Variants in PTPRD observed in about 807,000 individuals in gnomAD.
PTPRD encodes protein tyrosine phosphatase receptor type D, also known as receptor-type tyrosine-protein phosphatase delta.
PTPRD carries 34 observed loss-of-function variants against 214.5 expected under a neutral mutation model. That is an observed-to-expected ratio of 0.16 (90% CI 0.12 to 0.21). The LOEUF is 0.21. Among genes scored for constraint, PTPRD ranks in the 10% least tolerant of loss-of-function variants. The pLI, the probability that PTPRD is intolerant of heterozygous loss-of-function variation, is 1.00. For synonymous variants in PTPRD, 1,128 were observed against 845.7 expected (o/e 1.33, Z -5.79); for missense variants, 2,545 against 2,398.7 (o/e 1.06, Z -1.27).
chr9:9,863,372 A>G (rs1483921210), intron 5 of PTPRD, among the ~76,000 whole-genome samples: 1 of 152,206 alleles, frequency 6.6e-6, no homozygotes, highest in African/African-American at 2.4e-5. Context: ...CCCGACAGTC[A>G]TATTTTTAAA....
intron 7 of PTPRD, among the ~76,000 whole-genome samples, chr9:9,586,435 T>G (rs1225446494): frequency 6.6e-6 from 1 of 152,010 alleles, no homozygotes; most frequent in Non-Finnish European, 1.5e-5. Flanking sequence ...TGAGTTGAGT[T>G]TTATGTACCA....
At chr9:9,911,218 T>C (rs1345366846) in intron 5 of PTPRD, among the ~76,000 whole-genome samples, 1 of 152,070 alleles carries the variant, frequency 6.6e-6, no homozygotes, top group Non-Finnish European at 1.5e-5. Context: ...ACTATTATCC[T>C]TGTCAGGAAA....
At chr9:9,672,288 T>C (rs1052240150) in intron 7 of PTPRD, among the ~76,000 whole-genome samples, 4 of 152,134 alleles carry the variant, frequency 2.6e-5, no homozygotes, top group Admixed American at 2.0e-4. Context: ...TTGGAAAATA[T>C]TGATGTATGG....
chr9:10,420,078 AAAT>A (rs2098531955), intron 2 of PTPRD, among the ~76,000 whole-genome samples: 1 of 151,786 alleles, frequency 6.6e-6, no homozygotes, highest in South Asian at 2.1e-4. Flanking sequence ...AATGATGATA[AAAT>A]AATGACAATA....
intron 14 of PTPRD, among the ~76,000 whole-genome samples, chr9:8,552,960 T>C (rs1204946951): frequency 6.6e-6 from 1 of 152,130 alleles, no homozygotes; most frequent in Non-Finnish European, 1.5e-5. Context: ...CCCAGACACA[T>C]TCTGCATTAC....
intron 12 of PTPRD, among the ~76,000 whole-genome samples, chr9:8,638,148 C>A (rs1174032818): frequency 7.7e-6 from 1 of 129,628 alleles, no homozygotes; most frequent in Non-Finnish European, 1.6e-5. Flanking sequence ...TACAGATTTT[C>A]TCTTCTCTCC....
intron 8 of PTPRD, among the ~76,000 whole-genome samples, chr9:9,565,546 T>C (rs2084254316): frequency 6.6e-6 from 1 of 151,942 alleles, no homozygotes; most frequent in Non-Finnish European, 1.5e-5. Flanking sequence ...GTTATTTATA[T>C]TGCAAGACTT....
chr9:9,974,042 A>G (rs1423677569), intron 4 of PTPRD, among the ~76,000 whole-genome samples: 3 of 152,162 alleles, frequency 2.0e-5, no homozygotes, highest in Non-Finnish European at 4.4e-5. Context: ...TCCTGAGACA[A>G]TTTGCTTCCA....
chr9:9,408,736 T>A (rs1569568067), intron 8 of PTPRD, among the ~76,000 whole-genome samples: 2 of 151,904 alleles, frequency 1.3e-5, no homozygotes, highest in Non-Finnish European at 1.5e-5. Flanking sequence ...TTGGGCTGTT[T>A]TTCTTATCTT....
intron 10 of PTPRD, among the ~76,000 whole-genome samples, chr9:9,062,267 G>T (rs951819420): frequency 6.6e-6 from 1 of 152,124 alleles, no homozygotes; most frequent in Non-Finnish European, 1.5e-5. Flanking sequence ...AACCAGGAGA[G>T]ATATAAAAAT....
At chr9:9,964,087 GAGAC>G (rs1453992067) in intron 4 of PTPRD, among the ~76,000 whole-genome samples, 2 of 152,106 alleles carry the variant, frequency 1.3e-5, no homozygotes, top group Non-Finnish European at 2.9e-5. Flanking sequence ...GACGGAGGCA[GAGAC>G]AGACAAAGAC....
intron 2 of PTPRD, among the ~76,000 whole-genome samples, chr9:10,562,597 T>C (rs1296011935): frequency 1.3e-5 from 2 of 152,176 alleles, no homozygotes; most frequent in South Asian, 2.1e-4. Flanking sequence ...TATGAGTACA[T>C]GAATGTACTT....
intron 2 of PTPRD, among the ~76,000 whole-genome samples, chr9:10,386,949 G>A (rs567150019): frequency 6.6e-6 from 1 of 151,932 alleles, no homozygotes; most frequent in African/African-American, 2.4e-5. Context: ...GGAGGCAGGA[G>A]AGTCAGTGTC....
intron 9 of PTPRD, among the ~76,000 whole-genome samples, chr9:9,227,120 A>G (rs976114121): frequency 1.3e-5 from 2 of 152,156 alleles, no homozygotes; most frequent in Non-Finnish European, 2.9e-5. Flanking sequence ...AGAGGCTTAC[A>G]AATGAGGTGA....
chr9:9,003,536 A>G (rs1284054912), intron 11 of PTPRD, among the ~76,000 whole-genome samples: 4 of 152,022 alleles, frequency 2.6e-5, no homozygotes, highest in Non-Finnish European at 5.9e-5. Flanking sequence ...TATGATGGTG[A>G]TTGTTGGCTG....
intron 11 of PTPRD, among the ~76,000 whole-genome samples, chr9:8,953,974 C>T (rs1389653075): frequency 6.6e-6 from 1 of 151,870 alleles, no homozygotes; most frequent in Non-Finnish European, 1.5e-5. Context: ...ATAATTCAAC[C>T]CAGGAATCCC....
intron 3 of PTPRD, among the ~76,000 whole-genome samples, chr9:10,062,036 A>T (rs1377391233): frequency 6.6e-6 from 1 of 152,032 alleles, no homozygotes; most frequent in Non-Finnish European, 1.5e-5. Context: ...CCATTGATTG[A>T]TTGATACTGT....
At chr9:10,495,619 G>A (rs993001395) in intron 2 of PTPRD, among the ~76,000 whole-genome samples, 1 of 151,618 alleles carries the variant, frequency 6.6e-6, no homozygotes, top group African/African-American at 2.4e-5. Flanking sequence ...ATATAATTGA[G>A]CTAAAAATTT....
intron 14 of PTPRD, among the ~76,000 whole-genome samples, chr9:8,541,523 C>T (rs1049042119): frequency 6.6e-6 from 1 of 152,136 alleles, no homozygotes; most frequent in African/African-American, 2.4e-5. Context: ...TACCACCATA[C>T]CCGTCTTTTC....
Sources: allele counts gnomAD v4.1 joint callset (sites outside exome capture counted in the v4.1 genomes callset), GRCh38; gene constraint gnomAD v4.1.1; transcripts MANE v1.5; gene names NCBI Gene and HGNC (gene_info 2026-07-23, HGNC 2026-07-21).